Variants in DISC1 observed in about 807,000 individuals in gnomAD.
DISC1 encodes disrupted in schizophrenia 1 protein.
In DISC1, 57 loss-of-function variants were observed where a neutral mutation model predicts 84.5. That is an observed-to-expected ratio of 0.67 (90% CI 0.55 to 0.84). The LOEUF (loss-of-function observed/expected upper bound fraction) is 0.84, where lower values mean the gene tolerates loss of function less well. Ranked by LOEUF, DISC1 falls within the 40% of genes least tolerant of loss-of-function variation. The pLI is 0.00. For missense variants in DISC1, 1,000 were observed against 1,057.8 expected (o/e 0.95, Z 0.76); for synonymous variants, 411 against 415.2 (o/e 0.99, Z 0.12).
At chr1:231,768,240 A>C (rs568700342) in intron 5 of DISC1, among the ~76,000 whole-genome samples, 4 of 152,262 alleles carry the variant, frequency 2.6e-5, no homozygotes, top group Non-Finnish European at 5.9e-5. Context: ...AAGCAACGTG[A>C]CTTCATGGGA....
In DISC1 at chr1:231,643,446, C is replaced by T. The variant is rs116378697; in HGVS notation, c.67+16512C>T. The stretch of plus-strand genomic sequence containing the variant: ...GTATACACGGTGTGGGGGCCTTCCC[C>T]GGGACGCTGATGTCCTTGTTCTCCT... On this transcript the variant is annotated intron_variant, in intron 1 of 12. Transcript: ENST00000439617. 7.6e-3 allele frequency among the ~76,000 whole-genome samples: 1,153 copies of T among 152,292 alleles called. 21 individuals are homozygous for T. The highest frequency in any genetic ancestry group is 0.026 in the African/African-American group (1,086 of 41,558).
At chr1:231,880,881 T>C (rs755192727) in intron 9 of DISC1, among the ~76,000 whole-genome samples, 3 of 152,136 alleles carry the variant, frequency 2.0e-5, no homozygotes, top group Non-Finnish European at 2.9e-5. Context: ...GAATATCTCA[T>C]AGGAAAAACT....
At chr1:231,787,949 C>T (rs1300544538) in intron 6 of DISC1, among the ~76,000 whole-genome samples, 1 of 152,184 alleles carries the variant, frequency 6.6e-6, no homozygotes, top group Non-Finnish European at 1.5e-5. Flanking sequence ...AGTAGCACCA[C>T]AGCCACCTGG....
chr1:232,025,882 G>A (rs896467968), intron 11 of DISC1, among the ~76,000 whole-genome samples: 6 of 152,126 alleles, frequency 3.9e-5, no homozygotes, highest in African/African-American at 9.7e-5. Context: ...CTGCTCTTAT[G>A]CGGCTTAAGC....
At chr1:232,021,365 CACACACACAA>C (rs1340179170) in intron 11 of DISC1, among the ~76,000 whole-genome samples, 2 of 143,578 alleles carry the variant, frequency 1.4e-5, no homozygotes, top group Non-Finnish European at 3.1e-5. Context: ...CACACACACA[CACACACACAA>C]CCCTCAGAAT....
intron 10 of DISC1, chr1:231,959,433 A>G: frequency 9.1e-6 from 9 of 985,770 alleles, no homozygotes; most frequent in Non-Finnish European, 1.1e-5. Flanking sequence ...ATGTGTGCTT[A>G]GGAAAATAAA....
chr1:231,704,174 A>G lies in DISC1; in HGVS notation c.1117+2150A>G, dbSNP rs183897032. On this transcript the variant is annotated intron_variant, in intron 3 of 12. Transcript: ENST00000439617. The stretch of plus-strand genomic sequence containing the variant: ...GGCATATAGGAGGCAGGCCCTCAGT[A>G]AATGTGGTGTGAGGGAATTAATTAA... 7.0e-4 allele frequency among the ~76,000 whole-genome samples: 106 copies of G among 152,290 alleles called. 3 individuals carry two copies. The highest frequency in any genetic ancestry group is 2.3e-3 in the Admixed American group (35 of 15,304).
chr1:231,748,602 G>A (rs948668906), intron 3 of DISC1, among the ~76,000 whole-genome samples: 3 of 152,102 alleles, frequency 2.0e-5, no homozygotes, highest in African/African-American at 7.2e-5. Flanking sequence ...CTTGATCATG[G>A]TATATTATCT....
At chr1:231,929,155 G>A (rs1237248522) in intron 9 of DISC1, among the ~76,000 whole-genome samples, 1 of 152,100 alleles carries the variant, frequency 6.6e-6, no homozygotes, top group Non-Finnish European at 1.5e-5. Context: ...TTGACGGTGG[G>A]ATGTTAAAAT....
chr1:232,020,005 G>C (rs1273422582), intron 11 of DISC1, among the ~76,000 whole-genome samples: 4 of 152,124 alleles, frequency 2.6e-5, no homozygotes, highest in African/African-American at 9.7e-5. Flanking sequence ...GGTGCTGGCT[G>C]TTTGCTTCTC....
In DISC1 at chr1:232,035,954, T is replaced by C. The variant is rs189040903; in HGVS notation, c.2426-738T>C. Among the ~76,000 whole-genome samples, 8 of 152,314 alleles carry C rather than the reference T, an allele frequency of 5.3e-5. No homozygotes were observed. In the East Asian group the frequency reaches 1.5e-3, roughly 29 times the overall value. On this transcript the variant is annotated intron_variant, in intron 12 of 12. Transcript: ENST00000439617. ...GTTTTCTCCATGTGAGAAATAACTT[T>C]ATAGGTTAGAAAACTAAGAGCCCAA...
At chr1:232,022,117 A>G (rs1372732109) in intron 11 of DISC1, among the ~76,000 whole-genome samples, 2 of 152,188 alleles carry the variant, frequency 1.3e-5, no homozygotes, top group African/African-American at 2.4e-5. Context: ...TCCAGGTTTA[A>G]CAGGAGAAGT....
At chr1:231,795,092 T>G in intron 6 of DISC1, 150 bp from the exon 7 acceptor site, 1 of 740,162 alleles carries the variant, frequency 1.4e-6, no homozygotes, top group South Asian at 1.5e-5. Flanking sequence ...TATTCCGTAG[T>G]CAAATGGAGC....
intron 3 of DISC1, chr1:231,723,893 C>G: frequency 1.0e-6 from 1 of 985,408 alleles, no homozygotes; most frequent in Non-Finnish European, 1.2e-6. Flanking sequence ...GTTTATTGTG[C>G]CCAGTGCCGA....
At chr1:231,691,889 C>T (rs551787239) in intron 1 of DISC1, among the ~76,000 whole-genome samples, 7 of 152,310 alleles carry the variant, frequency 4.6e-5, no homozygotes, top group South Asian at 4.1e-4. Flanking sequence ...CTCACATCCT[C>T]GGATGACGGA....
chr1:231,869,926 T>C (rs1293734273), intron 9 of DISC1, among the ~76,000 whole-genome samples: 1 of 152,148 alleles, frequency 6.6e-6, no homozygotes, highest in East Asian at 1.9e-4. Context: ...CCTTTAGACC[T>C]GGGGAGAGCC....
chr1:231,707,272 T>A (rs1386005450), intron 3 of DISC1, among the ~76,000 whole-genome samples: 1 of 152,216 alleles, frequency 6.6e-6, no homozygotes, highest in Non-Finnish European at 1.5e-5. Context: ...ACTGTCACTT[T>A]ATAATGTCTG....
At chr1:231,987,834 T>C (rs534721263) in intron 10 of DISC1, among the ~76,000 whole-genome samples, 2 of 152,282 alleles carry the variant, frequency 1.3e-5, no homozygotes, top group Admixed American at 6.5e-5. Flanking sequence ...TCAATTTGCA[T>C]CTAAATTATA....
At chr1:231,818,177 T>C (rs964822920) in intron 8 of DISC1, 152 bp from the exon 9 acceptor site, 1 of 796,462 alleles carries the variant, frequency 1.3e-6, no homozygotes, top group South Asian at 1.5e-5. Flanking sequence ...CCAGGTTCTT[T>C]CCCCAGAGGA....
Sources: gnomAD v4.1 joint callset for allele counts (sites outside exome capture counted in the v4.1 genomes callset) on GRCh38, gnomAD v4.1.1 for gene constraint, MANE v1.5 for transcripts, NCBI Gene and HGNC (gene_info 2026-07-23, HGNC 2026-07-21) for gene names.